CSMD1: variants seen among roughly 807,000 people sequenced by gnomAD.
The protein encoded by CSMD1 is CUB and Sushi multiple domains 1.
In CSMD1, 213 loss-of-function variants were observed where a neutral mutation model predicts 417.5. That is an observed-to-expected ratio of 0.51 (90% confidence interval 0.46 to 0.57). The LOEUF is 0.57. Among genes scored for constraint, CSMD1 ranks in the 20% least tolerant of loss-of-function variants. CSMD1 has a pLI of 0.00. For missense variants in CSMD1, 6,923 were observed against 4,529.7 expected (o/e 1.53, Z -15.17); for synonymous variants, 2,862 against 1,736.8 (o/e 1.65, Z -16.11).
intron 6 of CSMD1, among the ~76,000 whole-genome samples, chr8:3,734,661 A>C (rs1339844405): frequency 1.3e-5 from 2 of 152,184 alleles, no homozygotes; most frequent in African/African-American, 2.4e-5. Context: ...CAGTGAGCCA[A>C]AACTACGCCA....
At chr8:3,223,953 C>G (rs1038642530) in intron 27 of CSMD1, 86 bp from the exon 28 acceptor site, 6 of 1,356,988 alleles carry the variant, frequency 4.4e-6, no homozygotes, top group Middle Eastern at 2.0e-4. Context: ...CCACAGAATT[C>G]TTTAAGAAAA....
intron 2 of CSMD1, among the ~76,000 whole-genome samples, chr8:4,604,410 T>TGTGCACGC (rs59349269): frequency 1.4e-5 from 2 of 146,152 alleles, no homozygotes; most frequent in Non-Finnish European, 1.5e-5. Context: ...TGTGTGTGTG[T>TGTGCACGC]GCGCGTGCGT....
At chr8:3,637,474 C>T (rs1165947481) in intron 7 of CSMD1, among the ~76,000 whole-genome samples, 7 of 152,162 alleles carry the variant, frequency 4.6e-5, no homozygotes, top group Non-Finnish European at 1.0e-4. Context: ...CCTACCATAG[C>T]TTCAGAATTG....
chr8:4,819,020 G>C (rs922312037), intron 1 of CSMD1, among the ~76,000 whole-genome samples: 4 of 152,174 alleles, frequency 2.6e-5, no homozygotes, highest in African/African-American at 7.2e-5. Flanking sequence ...TTCATGGCTG[G>C]TGAGGAATAA....
chr8:4,524,953 T>A (rs951452261), intron 2 of CSMD1, among the ~76,000 whole-genome samples: 1 of 152,186 alleles, frequency 6.6e-6, no homozygotes, highest in African/African-American at 2.4e-5. Context: ...AGAAAACTGA[T>A]GGCATCACAG....
chr8:2,959,210 G>C (rs1803261850), intron 62 of CSMD1, among the ~76,000 whole-genome samples: 1 of 152,188 alleles, frequency 6.6e-6, no homozygotes, highest in Non-Finnish European at 1.5e-5. Context: ...GGCTCAAGTA[G>C]CTCCCATCTC....
intron 2 of CSMD1, among the ~76,000 whole-genome samples, chr8:4,449,431 T>C (rs1799000903): frequency 6.6e-6 from 1 of 152,224 alleles, no homozygotes; most frequent in Non-Finnish European, 1.5e-5. Flanking sequence ...TAGAAGTTCA[T>C]ATTTTTCCCC....
intron 5 of CSMD1, among the ~76,000 whole-genome samples, chr8:3,801,397 A>T (rs904869634): frequency 6.6e-6 from 1 of 152,154 alleles, no homozygotes; most frequent in African/African-American, 2.4e-5. Context: ...ATTAAATTTA[A>T]AACCACAGTG....
intron 2 of CSMD1, among the ~76,000 whole-genome samples, chr8:4,440,220 C>T (rs1487396312): frequency 1.3e-5 from 2 of 152,130 alleles, no homozygotes; most frequent in East Asian, 3.9e-4. Flanking sequence ...GAAATATGCC[C>T]TACCTATATG....
intron 48 of CSMD1, among the ~76,000 whole-genome samples, chr8:3,090,134 G>T (rs1814834494): frequency 6.6e-6 from 1 of 151,806 alleles, no homozygotes; most frequent in Non-Finnish European, 1.5e-5. Flanking sequence ...CTAACACGGT[G>T]AAACCCCGAC....
At chr8:3,639,167 A>T (rs1797187094) in intron 7 of CSMD1, among the ~76,000 whole-genome samples, 1 of 152,218 alleles carries the variant, frequency 6.6e-6, no homozygotes, top group Non-Finnish European at 1.5e-5. Flanking sequence ...AAGGCCGCTC[A>T]ATTCAAGAGG....
At chr8:4,789,065 G>A (rs768523139) in intron 1 of CSMD1, among the ~76,000 whole-genome samples, 1 of 152,140 alleles carries the variant, frequency 6.6e-6, no homozygotes, top group Non-Finnish European at 1.5e-5. Flanking sequence ...TCAACTTCTT[G>A]GGACCTCAGA....
chr8:3,693,967 G>C (rs1286181337), intron 7 of CSMD1, among the ~76,000 whole-genome samples: 1 of 151,314 alleles, frequency 6.6e-6, no homozygotes, highest in Non-Finnish European at 1.5e-5. Context: ...GGGTGTGTGT[G>C]TGTTGGGTAT....
chr8:4,134,895 G>C (rs937311313), intron 3 of CSMD1, among the ~76,000 whole-genome samples: 2 of 152,096 alleles, frequency 1.3e-5, no homozygotes, highest in Admixed American at 6.6e-5. Flanking sequence ...TTGCTCGGAA[G>C]GCTTTCAATT....
At position 4,079,106 on chromosome 8, in the gene CSMD1, G is replaced by C. The variant is rs182294633; in HGVS notation, c.416-47007C>G. Reference sequence around the variant, plus strand: ...TTACCAGGGTCGGTTCAAATAGGGTGGTGTTTGAGACAATTTTTATTCAAC... The same window carrying C: ...TTACCAGGGTCGGTTCAAATAGGGTCGTGTTTGAGACAATTTTTATTCAAC... On this transcript the variant is annotated intron_variant, in intron 3 of 69. Transcript: ENST00000635120. Among the ~76,000 whole-genome samples, 268 of 151,730 alleles carry C rather than the reference G, an allele frequency of 1.8e-3. 3 individuals are homozygous for C. The highest frequency in any genetic ancestry group is 0.017 in the Admixed American group (255 of 15,258).
In CSMD1 at chr8:4,864,290, C is replaced by T. The variant is rs117671133; in HGVS notation, c.85+130042G>A. ...ACCTACACACACAAAGACACACACACACAAATTTAGAACTAAAAAAGGATG... is the reference window on the plus strand; with the variant it reads ...ACCTACACACACAAAGACACACACATACAAATTTAGAACTAAAAAAGGATG... On this transcript the variant is annotated intron_variant, in intron 1 of 69. Coordinates refer to ENST00000635120, the MANE Select transcript of CSMD1 (RefSeq NM_033225.6). Among the ~76,000 whole-genome samples the T allele has an allele frequency of 3.2e-3, 484 of 151,910 alleles. 13 individuals are homozygous for T. In the South Asian group the frequency reaches 0.04, roughly 13 times the overall value.
At chr8:4,461,887 C>G (rs949224615) in intron 2 of CSMD1, among the ~76,000 whole-genome samples, 5 of 151,754 alleles carry the variant, frequency 3.3e-5, no homozygotes, top group Non-Finnish European at 7.4e-5. Flanking sequence ...ACTACAGGAG[C>G]CCGCCACCAC....
At chr8:4,903,192 T>A (rs138600754) in intron 1 of CSMD1, among the ~76,000 whole-genome samples, 2 of 152,174 alleles carry the variant, frequency 1.3e-5, no homozygotes, top group African/African-American at 4.8e-5. Context: ...ACATTTGTTA[T>A]TTAGTTTTAA....
chr8:3,754,965 T>G (rs1481242206), intron 5 of CSMD1, among the ~76,000 whole-genome samples: 2 of 5,448 alleles, frequency 3.7e-4, no homozygotes, highest in Admixed American at 6.7e-3. Flanking sequence ...AAGAAAGCAG[T>G]GCATTCATTT....
Sources: gnomAD v4.1 joint callset for allele counts (sites outside exome capture counted in the v4.1 genomes callset) on GRCh38, gnomAD v4.1.1 for gene constraint, MANE v1.5 for transcripts, NCBI Gene and HGNC (gene_info 2026-07-23, HGNC 2026-07-21) for gene names.